Variants in LYPLAL1 observed in about 807,000 individuals in gnomAD.
The protein encoded by LYPLAL1 is lysophospholipase like 1.
A neutral mutation model predicts 19.7 loss-of-function variants in LYPLAL1; 23 were observed. The ratio of observed to expected loss-of-function variants is 1.17; its 90% CI spans 0.84 to 1.65. The LOEUF is 1.65. Ranked by LOEUF, LYPLAL1 falls within the 40% of genes most tolerant of loss-of-function variation. The pLI is 0.00. For missense variants in LYPLAL1, 355 were observed against 279.4 expected (o/e 1.27, Z -1.93); for synonymous variants, 119 against 96.3 (o/e 1.24, Z -1.38).
At chr1:219,222,381 G>A in the LYPLAL1 span, 2 of 152,042 alleles carry the variant, frequency 1.3e-5, no homozygotes, top group East Asian at 3.9e-4. Context: ...TACTAATCAA[G>A]GCCCATTTTT....
the LYPLAL1 span, among the ~76,000 whole-genome samples, chr1:219,407,577 G>T: frequency 1.3e-5 from 2 of 152,136 alleles, no homozygotes; most frequent in South Asian, 4.1e-4. Flanking sequence ...GATGTGAGAG[G>T]TATGTTTTGT....
At chr1:219,372,840 G>T in the LYPLAL1 span, among the ~76,000 whole-genome samples, 1 of 152,056 alleles carries the variant, frequency 6.6e-6, no homozygotes, top group Non-Finnish European at 1.5e-5. Flanking sequence ...GGAGGTAGAG[G>T]CTGCAATGTA....
chr1:219,340,873 A>T, the LYPLAL1 span, among the ~76,000 whole-genome samples: 1 of 152,014 alleles, frequency 6.6e-6, no homozygotes, highest in East Asian at 1.9e-4. Context: ...TAACCCAGGA[A>T]CCCATTTGTT....
intron 1 of LYPLAL1, among the ~76,000 whole-genome samples, chr1:219,174,503 A>G (rs1160397194): frequency 6.6e-6 from 1 of 151,922 alleles, no homozygotes. Context: ...GCTTTCTCTC[A>G]CTTTCCTTTT....
chr1:219,337,149 A>C, the LYPLAL1 span, among the ~76,000 whole-genome samples: 1 of 75,358 alleles, frequency 1.3e-5, no homozygotes, highest in African/African-American at 3.1e-5. Context: ...TCGTGATTAC[A>C]TTGGGCATTG....
the LYPLAL1 span, among the ~76,000 whole-genome samples, chr1:219,424,442 A>G: frequency 2.0e-5 from 3 of 152,228 alleles, no homozygotes; most frequent in African/African-American, 7.2e-5. Context: ...CACATTAGCT[A>G]TGTAGCTGCC....
chr1:219,209,270 T>G (rs1157936034), intron 3 of LYPLAL1, among the ~76,000 whole-genome samples: 1 of 152,114 alleles, frequency 6.6e-6, no homozygotes, highest in Non-Finnish European at 1.5e-5. Context: ...ATCTAAACTT[T>G]GCCAGACTGG....
the LYPLAL1 span, among the ~76,000 whole-genome samples, chr1:219,443,381 A>G: frequency 1.3e-5 from 2 of 152,226 alleles, no homozygotes; most frequent in Non-Finnish European, 2.9e-5. Flanking sequence ...GCATCTACTA[A>G]GCTTTACTTT....
At chr1:219,246,813 T>C in the LYPLAL1 span, among the ~76,000 whole-genome samples, 1 of 152,228 alleles carries the variant, frequency 6.6e-6, no homozygotes, top group Non-Finnish European at 1.5e-5. Context: ...CTCAAATTCC[T>C]GGGCTCAAAT....
chr1:219,345,501 GA>G, the LYPLAL1 span, among the ~76,000 whole-genome samples: 1 of 152,136 alleles, frequency 6.6e-6, no homozygotes, highest in Admixed American at 6.5e-5. Context: ...ATGCAATTAG[GA>G]AACTGTAAGT....
At chr1:219,352,308 A>G in the LYPLAL1 span, among the ~76,000 whole-genome samples, 1 of 152,162 alleles carries the variant, frequency 6.6e-6, no homozygotes, top group African/African-American at 2.4e-5. Context: ...AGGCGAGAGG[A>G]TCACGAGGTC....
At chr1:219,298,566 C>G in the LYPLAL1 span, among the ~76,000 whole-genome samples, 1 of 152,152 alleles carries the variant, frequency 6.6e-6, no homozygotes, top group East Asian at 1.9e-4. Context: ...CTTTTTCCCA[C>G]CACCCAAGAT....
the LYPLAL1 span, among the ~76,000 whole-genome samples, chr1:219,366,100 G>A: frequency 1.8e-4 from 27 of 152,104 alleles, no homozygotes; most frequent in Non-Finnish European, 3.8e-4. Flanking sequence ...TTGCTATAGT[G>A]GGAGTGAGCT....
the LYPLAL1 span, among the ~76,000 whole-genome samples, chr1:219,301,380 C>T: frequency 6.6e-6 from 1 of 152,088 alleles, no homozygotes; most frequent in African/African-American, 2.4e-5. Context: ...CATAATTGGG[C>T]TTTCCAAATT....
the LYPLAL1 span, among the ~76,000 whole-genome samples, chr1:219,224,822 T>C: frequency 1.3e-5 from 2 of 152,156 alleles, no homozygotes; most frequent in Non-Finnish European, 2.9e-5. Context: ...TAGTGTAGAA[T>C]TATGTATTTA....
chr1:219,254,638 G>A, the LYPLAL1 span, among the ~76,000 whole-genome samples: 1 of 151,964 alleles, frequency 6.6e-6, no homozygotes, highest in East Asian at 1.9e-4. Context: ...AATTTCAGTT[G>A]AGCCGTCCAC....
chr1:219,250,851 C>T, the LYPLAL1 span, among the ~76,000 whole-genome samples: 6 of 152,070 alleles, frequency 3.9e-5, no homozygotes, highest in East Asian at 9.7e-4. Flanking sequence ...AATGTTAGTT[C>T]TGCTTTTAGC....
chr1:219,414,312 TG>T, the LYPLAL1 span, among the ~76,000 whole-genome samples: 1 of 152,212 alleles, frequency 6.6e-6, no homozygotes. Flanking sequence ...TTACTTGCAC[TG>T]CTTGGTGACA....
chr1:219,208,963 C>G (rs766304382), intron 3 of LYPLAL1, among the ~76,000 whole-genome samples: 3 of 152,048 alleles, frequency 2.0e-5, no homozygotes, highest in Non-Finnish European at 4.4e-5. Context: ...TGCACAAATT[C>G]ATGGATAATG....
Sources: allele counts gnomAD v4.1 joint callset (sites outside exome capture counted in the v4.1 genomes callset), GRCh38; gene constraint gnomAD v4.1.1; transcripts MANE v1.5; gene names NCBI Gene and HGNC (gene_info 2026-07-23, HGNC 2026-07-21).